KIAA1328: variants seen among roughly 807,000 people sequenced by gnomAD.
KIAA1328 encodes the protein protein hinderin.
Under a neutral mutation model 68.1 loss-of-function variants are expected in KIAA1328, and 52 were observed. The observed-to-expected ratio is 0.76, with a 90% CI of 0.61 to 0.96. The LOEUF is 0.96. Among genes scored for constraint, KIAA1328 ranks in the 40% least tolerant of loss-of-function variants. KIAA1328 has a pLI of 0.00. For synonymous variants in KIAA1328, 232 were observed against 239.4 expected (o/e 0.97, Z 0.28); for missense variants, 641 against 677.6 (o/e 0.95, Z 0.60).
chr18:36,936,894 G>T (rs1386385565), intron 5 of KIAA1328, among the ~76,000 whole-genome samples: 2 of 152,082 alleles, frequency 1.3e-5, no homozygotes, highest in Non-Finnish European at 2.9e-5. Context: ...ACACTGTATA[G>T]CCAAGATAAT....
At chr18:36,911,850 T>G (rs563412537) in intron 5 of KIAA1328, among the ~76,000 whole-genome samples, 2 of 152,162 alleles carry the variant, frequency 1.3e-5, no homozygotes, top group Non-Finnish European at 2.9e-5. Context: ...CTTAGCACAG[T>G]GCCTGGTGTG....
At chr18:37,101,495 C>T (rs144559102) in intron 7 of KIAA1328, among the ~76,000 whole-genome samples, 1,819 of 152,278 alleles carry the variant, frequency 0.012, 38 homozygotes, top group African/African-American at 0.042. Flanking sequence ...CGAACGAAGC[C>T]TCCAAGAAAT....
chr18:37,101,307 C>G (rs2057608132), intron 7 of KIAA1328, among the ~76,000 whole-genome samples: 1 of 152,026 alleles, frequency 6.6e-6, no homozygotes, highest in East Asian at 1.9e-4. Context: ...ATAACCAATG[C>G]AGAGAAGTCC....
chr18:36,994,222 T>C (rs2053302161), intron 6 of KIAA1328, among the ~76,000 whole-genome samples: 2 of 152,206 alleles, frequency 1.3e-5, no homozygotes, highest in African/African-American at 4.8e-5. Flanking sequence ...AAATCTCATA[T>C]TGTTACTCCT....
intron 5 of KIAA1328, among the ~76,000 whole-genome samples, chr18:36,938,993 G>C (rs1320020159): frequency 2.6e-5 from 4 of 152,040 alleles, no homozygotes; most frequent in South Asian, 2.1e-4. Flanking sequence ...GATTACTCTT[G>C]CTTTGTAATA....
intron 7 of KIAA1328, among the ~76,000 whole-genome samples, chr18:37,112,978 G>T (rs1423688872): frequency 6.6e-6 from 1 of 152,036 alleles, no homozygotes; most frequent in Non-Finnish European, 1.5e-5. Context: ...AAAAAGAAAT[G>T]AAAAAAGCCT....
intron 7 of KIAA1328, among the ~76,000 whole-genome samples, chr18:37,103,991 G>C (rs1177238217): frequency 6.6e-6 from 1 of 152,048 alleles, no homozygotes; most frequent in African/African-American, 2.4e-5. Flanking sequence ...CCAGTTAGCA[G>C]GGCTATTATC....
At chr18:37,026,883 G>T (rs1319772436) in intron 6 of KIAA1328, among the ~76,000 whole-genome samples, 1 of 152,166 alleles carries the variant, frequency 6.6e-6, no homozygotes, top group African/African-American at 2.4e-5. Context: ...GGGCAATCAG[G>T]TAGAGAAAGA....
At chr18:37,121,064 A>G (rs1302432318) in intron 7 of KIAA1328, among the ~76,000 whole-genome samples, 1 of 152,124 alleles carries the variant, frequency 6.6e-6, no homozygotes, top group East Asian at 1.9e-4. Context: ...TTATAATGAA[A>G]AGAATAAAAA....
chr18:36,935,193 T>G (rs1194448011), intron 5 of KIAA1328, among the ~76,000 whole-genome samples: 1 of 152,248 alleles, frequency 6.6e-6, no homozygotes, highest in African/African-American at 2.4e-5. Context: ...CTGGCTACTT[T>G]GCACTGCAGT....
Position 37,209,692 on chromosome 18 carries a change from T to G in KIAA1328, c.1524-12325T>G, listed in dbSNP as rs1358545335. 2.6e-5 allele frequency among the ~76,000 whole-genome samples: 4 copies of G among 151,968 alleles called. No individual in the cohort carries two copies. The East Asian group carries it at 7.7e-4, about 29-fold the overall frequency. Reference sequence around the variant, plus strand: ...ACATGCAAAGGCCTAGAGGTAAGAATTGAGAATAACAGCAGGTTTTTGGCC... The same window carrying G: ...ACATGCAAAGGCCTAGAGGTAAGAAGTGAGAATAACAGCAGGTTTTTGGCC... On this transcript the variant is annotated intron_variant, in intron 9 of 9. Coordinates refer to ENST00000280020, the MANE Select transcript of KIAA1328 (RefSeq NM_020776.3).
chr18:36,904,900 G>A lies in KIAA1328; in HGVS notation c.448+19228G>A, dbSNP rs1018168913. 1.6e-4 allele frequency among the ~76,000 whole-genome samples: 25 copies of A among 151,846 alleles called. No individual in the cohort carries two copies. The East Asian group carries it at 1.7e-3, about 11-fold the overall frequency. On this transcript the variant is annotated intron_variant, in intron 5 of 9. Transcript: ENST00000280020. ...CTGTATTTAGTGGTTGCTGTAAGGCGTATCTATACACCTTTAACAAATCAA... is the reference window on the plus strand; with the variant it reads ...CTGTATTTAGTGGTTGCTGTAAGGCATATCTATACACCTTTAACAAATCAA...
chr18:37,193,688 T>C, intron 9 of KIAA1328: 1 of 699,028 alleles, frequency 1.4e-6, no homozygotes, highest in Non-Finnish European at 2.6e-6. Context: ...GGAAGGAACC[T>C]ATTAAGGTAT....
intron 4 of KIAA1328, 122 bp from the exon 5 acceptor site, chr18:36,885,435 C>G: frequency 1.9e-6 from 1 of 534,380 alleles, no homozygotes; most frequent in South Asian, 3.6e-5. Flanking sequence ...CAAAACAGAA[C>G]AGAGTGTTCC....
chr18:36,969,666 C>T (rs1298190925), intron 6 of KIAA1328, among the ~76,000 whole-genome samples: 1 of 152,134 alleles, frequency 6.6e-6, no homozygotes, highest in Non-Finnish European at 1.5e-5. Context: ...AAAAAAATCT[C>T]AAGACCAGAT....
chr18:36,960,944 C>T (rs961399365), intron 6 of KIAA1328, among the ~76,000 whole-genome samples: 1 of 152,186 alleles, frequency 6.6e-6, no homozygotes, highest in Non-Finnish European at 1.5e-5. Context: ...AGCAATGGAA[C>T]AAAGCTGGCT....
chr18:37,104,247 C>A (rs529864481), intron 7 of KIAA1328, among the ~76,000 whole-genome samples: 1 of 152,190 alleles, frequency 6.6e-6, no homozygotes, highest in African/African-American at 2.4e-5. Context: ...TTCACAATGA[C>A]CAAGATATGG....
intron 6 of KIAA1328, among the ~76,000 whole-genome samples, chr18:37,027,444 A>G (rs1298040515): frequency 6.6e-6 from 1 of 152,256 alleles, no homozygotes; most frequent in African/African-American, 2.4e-5. Context: ...AGCTGGAAGC[A>G]TCACGCTACC....
At chr18:37,113,071 T>C (rs1321883615) in intron 7 of KIAA1328, among the ~76,000 whole-genome samples, 1 of 152,040 alleles carries the variant, frequency 6.6e-6, no homozygotes, top group East Asian at 1.9e-4. Context: ...TGGAACCAAG[T>C]TGGAAAATAC....
Sources: allele counts gnomAD v4.1 joint callset (sites outside exome capture counted in the v4.1 genomes callset), GRCh38; gene constraint gnomAD v4.1.1; transcripts MANE v1.5; gene names NCBI Gene and HGNC (gene_info 2026-07-23, HGNC 2026-07-21).